RBFOX1: variants seen among roughly 807,000 people sequenced by gnomAD.
The protein encoded by RBFOX1 is RNA binding protein fox-1 homolog 1.
In RBFOX1, 8 loss-of-function variants were observed where a neutral mutation model predicts 57.7. That is an observed-to-expected ratio of 0.14 (90% CI 0.08 to 0.25). RBFOX1 has a LOEUF of 0.25. RBFOX1 is among the 10% of genes least tolerant of loss of function. The pLI is 1.00. For missense variants in RBFOX1, 611 were observed against 548.5 expected, an observed-to-expected ratio of 1.11 and a Z score of -1.14; for synonymous variants, 326 against 222.4, an observed-to-expected ratio of 1.47 and a Z score of -4.15.
At chr16:7,263,508 C>A (rs1299883951) in intron 4 of RBFOX1, among the ~76,000 whole-genome samples, 2 of 152,072 alleles carry the variant, frequency 1.3e-5, no homozygotes, top group African/African-American at 2.4e-5. Context: ...GCCAGAGTAC[C>A]TACAGTATTG....
chr16:5,983,198 C>A (rs1334174747), intron 4 of RBFOX1, among the ~76,000 whole-genome samples: 1 of 152,132 alleles, frequency 6.6e-6, no homozygotes, highest in Admixed American at 6.5e-5. Flanking sequence ...TGAGAGGCCA[C>A]GGGGAATTAG....
intron 2 of RBFOX1, among the ~76,000 whole-genome samples, chr16:6,426,379 T>C (rs749693976): frequency 6.6e-6 from 1 of 151,494 alleles, no homozygotes; most frequent in African/African-American, 2.4e-5. Context: ...AAGGAAAGTG[T>C]CCAGGAAAGA....
At chr16:6,106,301 T>TA (rs2096377788) in intron 1 of RBFOX1, among the ~76,000 whole-genome samples, 1 of 75,306 alleles carries the variant, frequency 1.3e-5, no homozygotes, top group African/African-American at 7.0e-5. Flanking sequence ...CTAGTAAAAA[T>TA]ACAAAAAAAA....
In RBFOX1 at chr16:7,564,540, C is replaced by CAAAAAAAAAAAAA. The variant is rs5815409; in HGVS notation, c.271-15221_271-15209dup. 1.2e-3 allele frequency among the ~76,000 whole-genome samples: 101 copies of CAAAAAAAAAAAAA among 82,504 alleles called. 20 individuals are homozygous for CAAAAAAAAAAAAA. Among genetic ancestry groups the CAAAAAAAAAAAAA allele is most frequent in the African/African-American group, 9.1e-3 (95 of 10,450 alleles). The allele number at this position is 82,504 out of a possible 152,430, so 54.1% of individuals were successfully genotyped here. A position where few individuals can be genotyped will look rare whatever the true frequency, so the allele number is the denominator to read the frequency against. ...TGGCTGACAGAGCAAGACTCCATCT[C>CAAAAAAAAAAAAA]AAAAAAAAAAAAAAAAAAAAAAAAA... On this transcript the variant is annotated intron_variant, in intron 5 of 15. Coordinates refer to ENST00000550418, the MANE Select transcript of RBFOX1 (RefSeq NM_018723.4).
chr16:7,574,256 C>CTTAA (rs1482134237), intron 5 of RBFOX1, among the ~76,000 whole-genome samples: 1 of 152,166 alleles, frequency 6.6e-6, no homozygotes, highest in African/African-American at 2.4e-5. Flanking sequence ...GAGAGGAAGA[C>CTTAA]TTAAGTGTTC....
chr16:6,131,941 C>T (rs922270702), intron 1 of RBFOX1, among the ~76,000 whole-genome samples: 3 of 152,176 alleles, frequency 2.0e-5, no homozygotes, highest in African/African-American at 7.2e-5. Context: ...CGGATAATGA[C>T]ACTTAAGAAG....
chr16:6,833,842 G>C (rs2092892656), intron 3 of RBFOX1, among the ~76,000 whole-genome samples: 1 of 152,150 alleles, frequency 6.6e-6, no homozygotes. Flanking sequence ...GAGATGGAAA[G>C]GAGTGGTGCA....
intron 3 of RBFOX1, among the ~76,000 whole-genome samples, chr16:6,929,778 G>C (rs935783529): frequency 3.3e-5 from 5 of 152,062 alleles, no homozygotes; most frequent in African/African-American, 1.2e-4. Flanking sequence ...GGAATATCCT[G>C]TAGCTTTTTT....
chr16:6,966,700 A>C (rs917912915), intron 3 of RBFOX1, among the ~76,000 whole-genome samples: 1 of 152,070 alleles, frequency 6.6e-6, no homozygotes, highest in African/African-American at 2.4e-5. Flanking sequence ...AGCGAAATTG[A>C]TCTAAATTAC....
intron 2 of RBFOX1, among the ~76,000 whole-genome samples, chr16:5,573,727 C>A (rs933610854): frequency 2.0e-5 from 3 of 152,024 alleles, no homozygotes; most frequent in Non-Finnish European, 4.4e-5. Flanking sequence ...TTTGGGAGGC[C>A]GAGGTGGGAG....
chr16:6,051,385 C>A (rs2095550324), intron 1 of RBFOX1, among the ~76,000 whole-genome samples: 1 of 152,036 alleles, frequency 6.6e-6, no homozygotes, highest in Non-Finnish European at 1.5e-5. Flanking sequence ...TGGAGTACAG[C>A]AGCATGATAT....
chr16:6,354,779 A>G (rs549391351), intron 2 of RBFOX1, among the ~76,000 whole-genome samples: 84 of 152,308 alleles, frequency 5.5e-4, no homozygotes, highest in African/African-American at 1.9e-3. Flanking sequence ...ATGCATCTTC[A>G]GTGTTTAACA....
At chr16:6,592,201 G>C (rs542913461) in intron 2 of RBFOX1, among the ~76,000 whole-genome samples, 3 of 152,224 alleles carry the variant, frequency 2.0e-5, no homozygotes, top group South Asian at 2.1e-4. Context: ...TTCAATTTCA[G>C]AAAATTGAAA....
chr16:6,795,429 C>T (rs964586472), intron 3 of RBFOX1, among the ~76,000 whole-genome samples: 3 of 151,256 alleles, frequency 2.0e-5, no homozygotes, highest in African/African-American at 4.8e-5. Context: ...AAATTAATTC[C>T]CATTTTTTTT....
chr16:7,422,600 C>T (rs536338898), intron 4 of RBFOX1, among the ~76,000 whole-genome samples: 1 of 152,164 alleles, frequency 6.6e-6, no homozygotes, highest in East Asian at 1.9e-4. Flanking sequence ...AGTGCCTTAC[C>T]CACTCAGCAC....
At chr16:6,821,140 C>T (rs1196481673) in intron 3 of RBFOX1, among the ~76,000 whole-genome samples, 1 of 152,112 alleles carries the variant, frequency 6.6e-6, no homozygotes, top group African/African-American at 2.4e-5. Flanking sequence ...GATTCAGTGC[C>T]AGGTTTATCT....
chr16:5,631,482 A>C (rs2048504988), intron 3 of RBFOX1, among the ~76,000 whole-genome samples: 1 of 151,908 alleles, frequency 6.6e-6, no homozygotes, highest in African/African-American at 2.4e-5. Flanking sequence ...TCTTGAACCA[A>C]GGAGGCGGAG....
intron 4 of RBFOX1, among the ~76,000 whole-genome samples, chr16:7,249,407 T>G (rs2094430128): frequency 6.6e-6 from 1 of 152,096 alleles, no homozygotes; most frequent in Admixed American, 6.6e-5. Context: ...TCACTAGACT[T>G]CCAAGGGCCA....
At chr16:6,692,715 C>A (rs1035939346) in intron 3 of RBFOX1, among the ~76,000 whole-genome samples, 2 of 152,098 alleles carry the variant, frequency 1.3e-5, no homozygotes, top group Admixed American at 6.5e-5. Flanking sequence ...ACTATATACT[C>A]CAAGTCAGAG....
Sources: allele counts gnomAD v4.1 joint callset (sites outside exome capture counted in the v4.1 genomes callset), GRCh38; gene constraint gnomAD v4.1.1; transcripts MANE v1.5; gene names NCBI Gene and HGNC (gene_info 2026-07-23, HGNC 2026-07-21).